The following ARHGAP19 variants were observed in gnomAD, a reference collection of about 807,000 sequenced individuals.
The protein encoded by ARHGAP19 is rho GTPase-activating protein 19.
In ARHGAP19, 48 loss-of-function variants were observed where a neutral mutation model predicts 60.9. The observed-to-expected ratio is 0.79, with a 90% CI of 0.62 to 1.00. The LOEUF is 1.00. Among genes scored for constraint, ARHGAP19 ranks in the 50% least tolerant of loss-of-function variants. ARHGAP19 has a pLI of 0.00. For synonymous variants in ARHGAP19, 209 were observed against 215.5 expected (o/e 0.97, Z 0.27); for missense variants, 562 against 597.2 (o/e 0.94, Z 0.61).
chr10:97,282,709 G>A (rs75612744), intron 1 of ARHGAP19, among the ~76,000 whole-genome samples: 4,183 of 151,942 alleles, frequency 0.028, 181 homozygotes, highest in African/African-American at 0.092. Context: ...GCTGATTCCT[G>A]TATCTATTTC....
chr10:97,254,801 C>A (rs1357451225), intron 6 of ARHGAP19, among the ~76,000 whole-genome samples: 1 of 152,098 alleles, frequency 6.6e-6, no homozygotes, highest in Non-Finnish European at 1.5e-5. Flanking sequence ...AGGATGATAT[C>A]TGGAATATAA....
chr10:97,232,314 C>G (rs921606211), intron 9 of ARHGAP19, among the ~76,000 whole-genome samples: 1 of 151,836 alleles, frequency 6.6e-6, no homozygotes, highest in Non-Finnish European at 1.5e-5. Flanking sequence ...CAGGCACATG[C>G]CAACATGCCC....
At chr10:97,284,787 G>A (rs1284047232) in intron 1 of ARHGAP19, among the ~76,000 whole-genome samples, 1 of 149,246 alleles carries the variant, frequency 6.7e-6, no homozygotes, top group African/African-American at 2.5e-5. Context: ...GATTACAGAT[G>A]AGAGCCACCA....
chr10:97,254,097 T>C (rs919149624), intron 6 of ARHGAP19, among the ~76,000 whole-genome samples: 82 of 152,240 alleles, frequency 5.4e-4, no homozygotes, highest in African/African-American at 1.9e-3. Flanking sequence ...CGAGGCAATC[T>C]ACAGATTCAA....
At chr10:97,237,003 G>A (rs1842390415) in intron 8 of ARHGAP19, among the ~76,000 whole-genome samples, 1 of 152,050 alleles carries the variant, frequency 6.6e-6, no homozygotes, top group Non-Finnish European at 1.5e-5. Flanking sequence ...GGTGGCTCAT[G>A]CCTGTAATCT....
intron 1 of ARHGAP19, among the ~76,000 whole-genome samples, chr10:97,272,046 T>C (rs1220695811): frequency 2.0e-5 from 3 of 152,034 alleles, no homozygotes; most frequent in South Asian, 2.1e-4. Context: ...ATAAGTGAGA[T>C]TGGTCTTAAA....
At chr10:97,248,879 A>G (rs905653401) in intron 6 of ARHGAP19, among the ~76,000 whole-genome samples, 1 of 152,114 alleles carries the variant, frequency 6.6e-6, no homozygotes, top group African/African-American at 2.4e-5. Flanking sequence ...GTGCAGTGGC[A>G]TAATCTCGGC....
chr10:97,265,807 G>A, intron 2 of ARHGAP19, 53 bp downstream of exon 2: 1 of 1,575,464 alleles, frequency 6.3e-7, no homozygotes, highest in Non-Finnish European at 8.6e-7. Flanking sequence ...TGTTGAGAGA[G>A]AAGCCCAGGG....
intron 4 of ARHGAP19, among the ~76,000 whole-genome samples, chr10:97,260,472 G>A (rs549023849): frequency 1.0e-3 from 153 of 152,014 alleles, no homozygotes; most frequent in African/African-American, 3.6e-3. Flanking sequence ...GGAGCTTGCA[G>A]TGAGCCGAGA....
intron 8 of ARHGAP19, among the ~76,000 whole-genome samples, chr10:97,242,081 C>T (rs1842493189): frequency 6.7e-6 from 1 of 149,140 alleles, no homozygotes; most frequent in Non-Finnish European, 1.5e-5. Context: ...AAGGAGTCTG[C>T]ATGCATGCAT....
chr10:97,292,368 G>A (rs1462301415), intron 1 of ARHGAP19, among the ~76,000 whole-genome samples: 2 of 152,236 alleles, frequency 1.3e-5, no homozygotes, highest in African/African-American at 2.4e-5. Flanking sequence ...CTCGGGCACC[G>A]GCAGGACCGA....
At chr10:97,255,141 G>A (rs899865471) in intron 6 of ARHGAP19, among the ~76,000 whole-genome samples, 8 of 152,298 alleles carry the variant, frequency 5.3e-5, no homozygotes, top group African/African-American at 1.7e-4. Context: ...AATGGATGGC[G>A]ATGATGGCTA....
At chr10:97,287,771 T>G (rs1843174677) in intron 1 of ARHGAP19, among the ~76,000 whole-genome samples, 1 of 152,054 alleles carries the variant, frequency 6.6e-6, no homozygotes, top group South Asian at 2.1e-4. Flanking sequence ...TTTTTTAAAA[T>G]AAATATTTTG....
chr10:97,263,683 T>C (rs987540303), intron 3 of ARHGAP19, 54 bp from the exon 4 acceptor site: 64 of 1,538,976 alleles, frequency 4.2e-5, no homozygotes, highest in Non-Finnish European at 5.5e-5. Context: ...AGAAAGATTA[T>C]TATTAAAATA....
intron 1 of ARHGAP19, among the ~76,000 whole-genome samples, chr10:97,283,553 CAA>C (rs879561476): frequency 7.5e-6 from 1 of 133,350 alleles, no homozygotes; most frequent in Admixed American, 7.5e-5. Flanking sequence ...GACTCTGTCT[CAA>C]AAAAAAAAAA....
intron 5 of ARHGAP19, among the ~76,000 whole-genome samples, chr10:97,257,304 T>A (rs1589461811): frequency 2.0e-5 from 2 of 99,660 alleles, no homozygotes; most frequent in South Asian, 6.8e-4. Context: ...TTTTTTTTTT[T>A]AGAGATAGGG....
intron 3 of ARHGAP19, among the ~76,000 whole-genome samples, 198 bp from the exon 4 acceptor site, chr10:97,263,827 T>C (rs1486379686): frequency 6.6e-6 from 1 of 152,194 alleles, no homozygotes; most frequent in Non-Finnish European, 1.5e-5. Context: ...CCCTGAGCAT[T>C]TGGAGATCTT....
intron 6 of ARHGAP19, among the ~76,000 whole-genome samples, chr10:97,251,258 G>GGGGAAGGGAAT (rs770680946): frequency 0.022 from 620 of 28,088 alleles, 36 homozygotes; most frequent in Non-Finnish European, 0.039. Flanking sequence ...GGGGAGGGAA[G>GGGGAAGGGAAT]GGGAAGGGAA....
Position 97,291,052 on chromosome 10 carries a change from A to C in ARHGAP19, c.56+1520T>G, listed in dbSNP as rs552237834. 9.2e-5 allele frequency among the ~76,000 whole-genome samples: 14 copies of C among 152,224 alleles called. No individual in the cohort carries two copies. In the East Asian group the frequency reaches 2.7e-3, roughly 29 times the overall value. On this transcript the variant is annotated intron_variant, in intron 1 of 11. Coordinates refer to ENST00000358531, the MANE Select transcript of ARHGAP19 (RefSeq NM_032900.6). ...GGGCTTGCAACTTAGCTCACACCCA[A>C]CCAATCAGAGAGCTCACTAAAATGC...
Sources: gnomAD v4.1 joint callset for allele counts (sites outside exome capture counted in the v4.1 genomes callset) on GRCh38, gnomAD v4.1.1 for gene constraint, MANE v1.5 for transcripts, NCBI Gene and HGNC (gene_info 2026-07-23, HGNC 2026-07-21) for gene names.